ZFYVE1: variants seen among roughly 807,000 people sequenced by gnomAD.
ZFYVE1 encodes the protein zinc finger FYVE-type containing 1, also known as zinc finger FYVE domain-containing protein 1.
ZFYVE1 carries 30 observed loss-of-function variants against 74.4 expected under a neutral mutation model. The observed-to-expected ratio is 0.40, with a 90% CI of 0.30 to 0.55. The LOEUF (loss-of-function observed/expected upper bound fraction) is 0.55. Among genes scored for constraint, ZFYVE1 ranks in the 20% least tolerant of loss-of-function variants. The probability of loss-of-function intolerance (pLI) is 0.42; values close to 1 mark genes in which losing one functional copy is unlikely to be tolerated. For missense variants in ZFYVE1, 703 were observed against 1,011.6 expected, an observed-to-expected ratio of 0.69 and a Z score of 4.14; for synonymous variants, 335 against 385.1, an observed-to-expected ratio of 0.87 and a Z score of 1.52.
At chr14:72,999,754 C>T (rs998201892) in intron 2 of ZFYVE1, among the ~76,000 whole-genome samples, 1 of 152,180 alleles carries the variant, frequency 6.6e-6, no homozygotes, top group Non-Finnish European at 1.5e-5. Flanking sequence ...ACAGTGTCAT[C>T]CGCCTCATTA....
chr14:72,978,799 T>G (rs1201410570), intron 6 of ZFYVE1, 62 bp downstream of exon 6: 1 of 1,418,214 alleles, frequency 7.1e-7, no homozygotes, highest in East Asian at 2.3e-5. Flanking sequence ...AAGATAGTCT[T>G]GCCAAAGAGA....
intron 2 of ZFYVE1, among the ~76,000 whole-genome samples, chr14:73,012,788 T>A (rs12323332): frequency 2.0e-5 from 3 of 152,152 alleles, no homozygotes; most frequent in Non-Finnish European, 4.4e-5. Flanking sequence ...TCAGAAAGCA[T>A]GCAATTGACA....
In ZFYVE1 at chr14:72,998,318, GCA is replaced by G; in HGVS notation, c.484-5_484-4del. ...ATAAAGTCTTCTTCATTTGTTACCTGCAAAAAAAAAAAAAAAGACCATGAAAT... is the reference window on the plus strand; with the variant it reads ...ATAAAGTCTTCTTCATTTGTTACCTGAAAAAAAAAAAAAAGACCATGAAAT... On this transcript the variant is annotated splice_region_variant and splice_polypyrimidine_tract_variant and intron_variant, in intron 2 of 11. Transcript: ENST00000556143. 6 of 1,182,718 alleles carry G rather than the reference GCA, an allele frequency of 5.1e-6. No individual in the cohort carries two copies. In the South Asian group the frequency reaches 1.2e-4, roughly 24 times the overall value. The allele number at this position is 1,182,718 out of a possible 1,614,324, so 73.3% of individuals were successfully genotyped here. A position where few individuals can be genotyped will look rare whatever the true frequency, so the allele number is the denominator to read the frequency against.
At chr14:72,988,935 T>TTC (rs1475613982) in intron 4 of ZFYVE1, among the ~76,000 whole-genome samples, 1 of 147,238 alleles carries the variant, frequency 6.8e-6, no homozygotes, top group African/African-American at 2.5e-5. Flanking sequence ...TCTTCTTTTT[T>TTC]TTTTTTTTTT....
chr14:72,990,403 T>G (rs925883959), intron 4 of ZFYVE1, among the ~76,000 whole-genome samples: 2 of 151,052 alleles, frequency 1.3e-5, no homozygotes, highest in Non-Finnish European at 3.0e-5. Flanking sequence ...ACAGGTTCTT[T>G]TTTTTTTTTT....
chr14:73,023,302 A>ATTATATATGTTTTATATAATATATG (rs1894371341), intron 2 of ZFYVE1, among the ~76,000 whole-genome samples: 3 of 115,492 alleles, frequency 2.6e-5, no homozygotes, highest in African/African-American at 1.1e-4. Flanking sequence ...TATAATATAT[A>ATTATATATGTTTTATATAATATATG]TTATATATGT....
chr14:72,985,283 G>A (rs117316431), intron 4 of ZFYVE1, among the ~76,000 whole-genome samples: 19,602 of 152,088 alleles, frequency 0.13, 1,563 homozygotes, highest in East Asian at 0.2. Context: ...AGCCTCCCAA[G>A]TAGCTGGGAT....
At chr14:72,974,016 C>A (rs1340720337) in intron 11 of ZFYVE1, 64 bp downstream of exon 11, 10 of 1,466,056 alleles carry the variant, frequency 6.8e-6, no homozygotes, top group Non-Finnish European at 9.5e-6. Context: ...AAGTGACAGC[C>A]CAGGGCACCT....
chr14:73,018,430 CAAAAAAAAAA>C (rs397853346), intron 2 of ZFYVE1, among the ~76,000 whole-genome samples: 33 of 55,978 alleles, frequency 5.9e-4, no homozygotes, highest in Non-Finnish European at 4.0e-4. Context: ...GACTCCATCT[CAAAAAAAAAA>C]AAAAAAAAAA....
intron 2 of ZFYVE1, among the ~76,000 whole-genome samples, chr14:73,006,162 G>A (rs1379906845): frequency 1.3e-5 from 2 of 151,852 alleles, no homozygotes; most frequent in African/African-American, 4.8e-5. Flanking sequence ...CTCGTGATCC[G>A]CCCGCCTGGG....
chr14:73,011,171 C>CAA lies in ZFYVE1; in HGVS notation c.483+12853_483+12854dup, dbSNP rs34380657. On this transcript the variant is annotated intron_variant, in intron 2 of 11. Coordinates refer to ENST00000556143, the MANE Select transcript of ZFYVE1 (RefSeq NM_021260.4). The stretch of plus-strand genomic sequence containing the variant: ...TAAAAAAATTAAAAGCTCACTGTCT[C>CAA]AAAAAAAAAAAAAGAAAGAAAGAAA... 2.0e-3 allele frequency among the ~76,000 whole-genome samples: 290 copies of CAA among 141,892 alleles called. 3 individuals are homozygous for CAA. Among genetic ancestry groups the CAA allele is most frequent in the Non-Finnish European group, 3.5e-3 (231 of 65,618 alleles). The allele number at this position is 141,892 out of a possible 152,430, so 93.1% of individuals were successfully genotyped here. A position where few individuals can be genotyped will look rare whatever the true frequency, so the allele number is the denominator to read the frequency against.
intron 2 of ZFYVE1, among the ~76,000 whole-genome samples, chr14:73,001,431 C>T (rs1207995854): frequency 2.0e-5 from 3 of 152,002 alleles, no homozygotes; most frequent in Admixed American, 6.6e-5. Flanking sequence ...TGTAAAATAC[C>T]GTCACATTTC....
chr14:72,981,862 C>T lies in ZFYVE1; in HGVS notation c.1237G>A (p.Asp413Asn), dbSNP rs1567348086. ...AAGGAGCTGTGCGCCATCTGGTCAT[C>T]GGGGATCTCACCGCTGAAGCGGTCA... ...LSDRFSGEIPDDQMAHSSFFP... is the reference protein window; with the variant it reads ...LSDRFSGEIPNDQMAHSSFFP... Residue 413 changes from aspartate to asparagine, a missense_variant, in exon 5 of 12, where the codon GAT (aspartate) becomes AAT (asparagine). By Grantham distance (23) the Asp-to-Asn change is conservative (BLOSUM62 1). Transcript: ENST00000556143. The T allele has an allele frequency of 5.0e-6, 8 of 1,614,050 alleles. No individual in the cohort carries two copies. Among genetic ancestry groups the T allele is most frequent in the Non-Finnish European group, 6.8e-6 (8 of 1,180,024 alleles).
chr14:73,017,685 C>T (rs1304390298), intron 2 of ZFYVE1, among the ~76,000 whole-genome samples: 1 of 152,118 alleles, frequency 6.6e-6, no homozygotes, highest in Non-Finnish European at 1.5e-5. Flanking sequence ...CAAACTTTGT[C>T]CAAAATTCAT....
chr14:72,994,243 A>T (rs1893691520), intron 3 of ZFYVE1, among the ~76,000 whole-genome samples: 1 of 144,648 alleles, frequency 6.9e-6, no homozygotes, highest in African/African-American at 2.5e-5. Context: ...GAATTGCTTG[A>T]ACCTGGGAGG....
chr14:73,007,472 CTCAA>C (rs1280835088), intron 2 of ZFYVE1, among the ~76,000 whole-genome samples: 3 of 152,010 alleles, frequency 2.0e-5, no homozygotes, highest in Non-Finnish European at 4.4e-5. Flanking sequence ...ACCTCTCAGG[CTCAA>C]TCAATCTCCT....
chr14:73,008,796 G>A (rs1466693112), intron 2 of ZFYVE1, among the ~76,000 whole-genome samples: 1 of 152,134 alleles, frequency 6.6e-6, no homozygotes, highest in Non-Finnish European at 1.5e-5. Context: ...TAAGCAGAAT[G>A]GTCTTTCATT....
intron 11 of ZFYVE1, among the ~76,000 whole-genome samples, chr14:72,972,192 C>A (rs1026967752): frequency 5.9e-5 from 9 of 151,926 alleles, no homozygotes; most frequent in Non-Finnish European, 7.4e-5. Flanking sequence ...CCAGCCTGGA[C>A]AATAGCGAGA....
chr14:72,986,089 G>C (rs760457110), intron 4 of ZFYVE1, among the ~76,000 whole-genome samples: 1 of 152,204 alleles, frequency 6.6e-6, no homozygotes, highest in Non-Finnish European at 1.5e-5. Context: ...CCAATACAGC[G>C]TAAGGTTCTT....
Sources: gnomAD v4.1 joint callset for allele counts (sites outside exome capture counted in the v4.1 genomes callset) on GRCh38, gnomAD v4.1.1 for gene constraint, MANE v1.5 for transcripts, NCBI Gene and HGNC (gene_info 2026-07-23, HGNC 2026-07-21) for gene names.